NBAS: variants seen among roughly 807,000 people sequenced by gnomAD.
NBAS encodes NAG/BC035112 fusion.
NBAS carries 219 observed loss-of-function variants against 302.5 expected under a neutral mutation model. The observed-to-expected ratio is 0.72, with a 90% CI of 0.65 to 0.81. The LOEUF is 0.81. Ranked by LOEUF, NBAS falls within the 30% of genes least tolerant of loss-of-function variation. The pLI is 0.00. For synonymous variants in NBAS, 1,118 were observed against 1,021.6 expected, an observed-to-expected ratio of 1.09 and a Z score of -1.80; for missense variants, 2,932 against 2,841.6, an observed-to-expected ratio of 1.03 and a Z score of -0.72.
At chr2:14,780,264 G>T in the NBAS span, among the ~76,000 whole-genome samples, 2 of 152,194 alleles carry the variant, frequency 1.3e-5, no homozygotes, top group East Asian at 3.8e-4. Context: ...TGTAACCTAT[G>T]GGCCTGTACA....
the NBAS span, among the ~76,000 whole-genome samples, chr2:15,091,403 T>C: frequency 8.5e-5 from 13 of 152,290 alleles, no homozygotes; most frequent in East Asian, 2.3e-3. Flanking sequence ...AATGTGAAAA[T>C]GATGAGGATA....
the NBAS span, among the ~76,000 whole-genome samples, chr2:14,911,499 G>C: frequency 1.3e-5 from 2 of 152,266 alleles, no homozygotes; most frequent in South Asian, 4.2e-4. Context: ...TTACCCAGTG[G>C]CAGTACAGGA....
the NBAS span, among the ~76,000 whole-genome samples, chr2:15,058,751 A>G: frequency 6.6e-6 from 1 of 152,130 alleles, no homozygotes; most frequent in Admixed American, 6.5e-5. Flanking sequence ...AACTTTCACA[A>G]CTGGCCGGGA....
At chr2:15,243,659 C>A (rs547469259) in intron 44 of NBAS, among the ~76,000 whole-genome samples, 6 of 151,724 alleles carry the variant, frequency 4.0e-5, no homozygotes, top group African/African-American at 9.7e-5. Context: ...TCTGTGGTAA[C>A]TTGGGGGGCA....
At position 15,427,701 on chromosome 2, in the gene NBAS, TCATAC is replaced by T. The variant is rs1677546672; in HGVS notation, c.2423+5_2423+9del. On this transcript the variant is annotated splice_donor_5th_base_variant and intron_variant, in intron 22 of 51. Coordinates refer to ENST00000281513, the MANE Select transcript of NBAS (RefSeq NM_015909.4). ...AGAAACAAAGATGCCTCCTGCAGGC[TCATAC>T]TGACCTGCAAGCCAACTCCTCGCAC... 6.2e-6 allele frequency: 10 copies of T among 1,600,512 alleles called. No homozygotes were observed. The highest frequency in any genetic ancestry group is 1.3e-5 in the African/African-American group (1 of 74,804).
At chr2:15,135,452 AC>A in the NBAS span, among the ~76,000 whole-genome samples, 1 of 152,114 alleles carries the variant, frequency 6.6e-6, no homozygotes, top group African/African-American at 2.4e-5. Context: ...GTGAGCGGGC[AC>A]CCGTGCTTGG....
At chr2:15,258,615 T>C (rs1668710261) in intron 44 of NBAS, among the ~76,000 whole-genome samples, 1 of 152,138 alleles carries the variant, frequency 6.6e-6, no homozygotes, top group Non-Finnish European at 1.5e-5. Context: ...GCAGTACCCT[T>C]AGGCTTACTA....
At position 15,218,954 on chromosome 2, in the gene NBAS, G is replaced by A; in HGVS notation, c.6251C>T (p.Ser2084Leu). The A allele has an allele frequency of 6.2e-7, 1 of 1,614,246 alleles. No homozygotes were observed. The highest frequency in any genetic ancestry group is 1.1e-5 in the South Asian group (1 of 91,082). The stretch of plus-strand genomic sequence containing the variant: ...CAGCCACTCCAGCAGGTCCTCAGGT[G>A]AAACCAGCTCCTCACTGCAGGGCAA... Reference protein sequence around the residue: ...ASVDKGEELVSPEDLLEWLRP... With the variant: ...ASVDKGEELVLPEDLLEWLRP... The change falls in exon 48 of 52, where the codon TCA (serine) becomes TTA (leucine). Residue 2084 changes from serine to leucine, a missense_variant. Ser to Leu is a moderately radical substitution (Grantham distance 145). Transcript: ENST00000281513.
intron 25 of NBAS, among the ~76,000 whole-genome samples, chr2:15,407,361 G>T (rs1572799429): frequency 6.6e-6 from 1 of 152,146 alleles, no homozygotes; most frequent in Admixed American, 6.5e-5. Context: ...AGGAGTCCAG[G>T]ACCTGCCAAG....
At chr2:15,373,095 C>T (rs781776889) in intron 31 of NBAS, among the ~76,000 whole-genome samples, 24 of 152,132 alleles carry the variant, frequency 1.6e-4, no homozygotes, top group Non-Finnish European at 3.1e-4. Context: ...TTGAGGGAGA[C>T]GTAGTTAATG....
chr2:15,473,621 G>A (rs371349932), intron 15 of NBAS, among the ~76,000 whole-genome samples: 16 of 152,138 alleles, frequency 1.1e-4, no homozygotes, highest in Non-Finnish European at 2.1e-4. Flanking sequence ...GGAACAACCC[G>A]GCTTCTAGTC....
At chr2:15,425,648 T>C (rs375238307) in intron 22 of NBAS, among the ~76,000 whole-genome samples, 1 of 152,162 alleles carries the variant, frequency 6.6e-6, no homozygotes, top group Non-Finnish European at 1.5e-5. Context: ...CTTCACTTAC[T>C]AGTCTCACAG....
At chr2:14,893,414 C>A in the NBAS span, among the ~76,000 whole-genome samples, 3 of 151,902 alleles carry the variant, frequency 2.0e-5, no homozygotes, top group Admixed American at 6.6e-5. Context: ...TTTTCTAATT[C>A]TTTTTCTAAT....
chr2:15,440,914 A>G (rs1014699709), intron 21 of NBAS, among the ~76,000 whole-genome samples: 1 of 152,208 alleles, frequency 6.6e-6, no homozygotes, highest in Non-Finnish European at 1.5e-5. Context: ...CAGCGATGGA[A>G]GATGAAATGA....
chr2:14,831,005 C>T, the NBAS span, among the ~76,000 whole-genome samples: 1 of 152,174 alleles, frequency 6.6e-6, no homozygotes, highest in East Asian at 1.9e-4. Context: ...AAGCCAGCCC[C>T]AGGACACCAT....
intron 25 of NBAS, among the ~76,000 whole-genome samples, chr2:15,406,103 T>TAAAAAAAAA (rs71400653): frequency 4.8e-4 from 55 of 114,868 alleles, no homozygotes; most frequent in Non-Finnish European, 6.9e-4. Flanking sequence ...CAATAACATG[T>TAAAAAAAAA]AAAAAAAAAA....
At chr2:14,912,198 G>A in the NBAS span, among the ~76,000 whole-genome samples, 157 of 152,278 alleles carry the variant, frequency 1.0e-3, no homozygotes, top group South Asian at 6.0e-3. Context: ...CAGGATCGCC[G>A]TTGTATATGC....
At chr2:15,185,080 C>T (rs1665014936) in intron 50 of NBAS, among the ~76,000 whole-genome samples, 1 of 152,148 alleles carries the variant, frequency 6.6e-6, no homozygotes, top group Non-Finnish European at 1.5e-5. Context: ...GTAGGAATGG[C>T]TCCTCTGGAA....
At chr2:15,470,602 T>C (rs1166582158) in intron 16 of NBAS, among the ~76,000 whole-genome samples, 7 of 152,208 alleles carry the variant, frequency 4.6e-5, no homozygotes. Flanking sequence ...CTGTTAAGAA[T>C]GTCTTCCTCC....
Sources: allele counts gnomAD v4.1 joint callset (sites outside exome capture counted in the v4.1 genomes callset), GRCh38; gene constraint gnomAD v4.1.1; transcripts MANE v1.5; gene names NCBI Gene and HGNC (gene_info 2026-07-23, HGNC 2026-07-21).